The following ATRX variants were observed in gnomAD, a reference collection of about 807,000 sequenced individuals.
ATRX encodes ATRX chromatin remodeler.
In ATRX, 12 loss-of-function variants were observed where a neutral mutation model predicts 172.6. That is an observed-to-expected ratio of 0.07 (90% CI 0.04 to 0.11). The LOEUF is 0.11. Among genes scored for constraint, ATRX ranks in the 10% least tolerant of loss-of-function variants. The probability of loss-of-function intolerance (pLI) is 1.00; values close to 1 mark genes in which losing one functional copy is unlikely to be tolerated. For synonymous variants in ATRX, 674 were observed against 594.7 expected (o/e 1.13, Z -1.94); for missense variants, 1,368 against 1,767.4 (o/e 0.77, Z 4.05).
chrX:77,774,648 G>C (rs1302828613), intron 1 of ATRX, among the ~76,000 whole-genome samples: 1 of 110,543 alleles, frequency 9.0e-6, no homozygotes, highest in African/African-American at 3.3e-5. Flanking sequence ...CCGCACTCCA[G>C]CCTGGGCGAC....
At chrX:77,776,452 G>GT (rs2076354150) in intron 1 of ATRX, among the ~76,000 whole-genome samples, 1 of 111,950 alleles carries the variant, frequency 8.9e-6, no homozygotes, top group African/African-American at 3.2e-5. Flanking sequence ...CCTCAATAAT[G>GT]TAACATATGG....
At chrX:77,707,139 C>T (rs1264795130) in intron 2 of ATRX, among the ~76,000 whole-genome samples, 4 of 111,617 alleles carry the variant, frequency 3.6e-5, no homozygotes, top group Admixed American at 9.6e-5. Context: ...TAGGATTATA[C>T]GTATATGAAG....
intron 19 of ATRX, among the ~76,000 whole-genome samples, chrX:77,626,896 T>C (rs782148273): frequency 8.9e-6 from 1 of 112,081 alleles, no homozygotes; most frequent in South Asian, 3.7e-4. Context: ...GGTAGCCCTA[T>C]GGTTAGTACG....
At chrX:77,744,044 G>GGC (rs2074975119) in intron 1 of ATRX, among the ~76,000 whole-genome samples, 1 of 112,658 alleles carries the variant, frequency 8.9e-6, no homozygotes, top group Non-Finnish European at 1.9e-5. Flanking sequence ...GGCTGGGCAC[G>GGC]GTGGTTCATG....
intron 15 of ATRX, among the ~76,000 whole-genome samples, 162 bp from the exon 16 acceptor site, chrX:77,636,218 T>C (rs1042193716): frequency 2.7e-5 from 3 of 112,179 alleles, no homozygotes; most frequent in African/African-American, 9.7e-5. Context: ...CTCATGTTAA[T>C]TGTAATCCCC....
At chrX:77,595,024 T>C (rs2066424164) in intron 25 of ATRX, 1 of 112,012 alleles carries the variant, frequency 8.9e-6, no homozygotes, top group African/African-American at 3.2e-5. Flanking sequence ...CTGCAACGAA[T>C]GCTCATTGCT....
At chrX:77,689,301 C>T (rs782640465) in intron 6 of ATRX, among the ~76,000 whole-genome samples, 16 of 111,898 alleles carry the variant, frequency 1.4e-4, no homozygotes, top group Middle Eastern at 4.6e-3. Flanking sequence ...GTAACATATA[C>T]GGAACAGATT....
intron 2 of ATRX, among the ~76,000 whole-genome samples, chrX:77,703,564 C>T (rs1557155183): frequency 8.9e-6 from 1 of 112,497 alleles, no homozygotes; most frequent in Non-Finnish European, 1.9e-5. Flanking sequence ...GAGGGAGTCA[C>T]AGCCCTGGCT....
intron 15 of ATRX, among the ~76,000 whole-genome samples, chrX:77,637,712 G>A (rs1268235737): frequency 7.3e-5 from 8 of 109,768 alleles, no homozygotes; most frequent in Non-Finnish European, 1.3e-4. Flanking sequence ...TAGGCTGAGG[G>A]GGATGGATCG....
intron 10 of ATRX, among the ~76,000 whole-genome samples, chrX:77,671,554 C>T (rs985803306): frequency 9.1e-6 from 1 of 109,388 alleles, no homozygotes; most frequent in Admixed American, 9.8e-5. Context: ...GGCATTTTAA[C>T]AAGAAAAAAT....
intron 12 of ATRX, among the ~76,000 whole-genome samples, chrX:77,660,000 C>T (rs892511975): frequency 1.8e-5 from 2 of 111,649 alleles, no homozygotes; most frequent in African/African-American, 6.5e-5. Context: ...AAACAAAAAA[C>T]AACAACAACA....
chrX:77,620,655 G>A lies in ATRX; in HGVS notation c.5135-123C>T, dbSNP rs928980504. ...TCTTACAGGAAGATAAAATGACATCGTTGTAAGTATAAACATATTTTATCT... is the reference window on the plus strand; with the variant it reads ...TCTTACAGGAAGATAAAATGACATCATTGTAAGTATAAACATATTTTATCT... On this transcript the variant is annotated intron_variant, in intron 19 of 34. Transcript: ENST00000373344. 4.5e-5 allele frequency: 30 copies of A among 666,651 alleles called. 1 individual carries two copies. In the Middle Eastern group the frequency reaches 7.5e-3, roughly 166 times the overall value. The allele number at this position is 666,651 out of a possible 1,213,427, so 54.9% of individuals were successfully genotyped here. A position where few individuals can be genotyped will look rare whatever the true frequency, so the allele number is the denominator to read the frequency against.
At position 77,505,255 on chromosome X, in the gene ATRX, A is replaced by G; in HGVS notation, c.*3096T>C. ...GCTCTTAAAGTTTTGTTTGGGGCAC[A>G]TAAATATCGATCTGATTTTATGATA... On this transcript the variant is annotated 3_prime_UTR_variant, in exon 35 of 35. Coordinates refer to ENST00000373344, the MANE Select transcript of ATRX (RefSeq NM_000489.6). 5.7e-6 allele frequency: 1 copy of G among 174,692 alleles called. No individual in the cohort carries two copies. Among genetic ancestry groups the G allele is most frequent in the East Asian group, 8.1e-5 (1 of 12,321 alleles). 14.4% of individuals were successfully genotyped at this position (174,692 alleles called of 1,213,427 possible). A position where few individuals can be genotyped will look rare whatever the true frequency, so the allele number is the denominator to read the frequency against.
In ATRX at chrX:77,656,597, C is replaced by T. The variant is rs147331649; in HGVS notation, c.4177G>A (p.Val1393Ile). Residue 1393 changes from valine (V) to isoleucine (I), a missense_variant, in exon 13 of 35, where the codon GTT becomes ATT. Coordinates refer to ENST00000373344, the MANE Select transcript of ATRX (RefSeq NM_000489.6). Reference protein sequence around the residue: ...DFQESGVSEEVSESEDEQRPR... With the variant: ...DFQESGVSEEISESEDEQRPR... Reference sequence around the variant, plus strand: ...CGCTGTTCATCTTCGGATTCACTAACTTCTTCACTAACTCCTGATTCCTGA... The same window carrying T: ...CGCTGTTCATCTTCGGATTCACTAATTTCTTCACTAACTCCTGATTCCTGA... 5.8e-6 allele frequency: 7 copies of T among 1,206,743 alleles called. No individual in the cohort carries two copies. The highest frequency in any genetic ancestry group is 7.8e-6 in the Non-Finnish European group (7 of 893,643).
At chrX:77,681,452 A>T (rs1315219281) in intron 9 of ATRX, 68 bp downstream of exon 9, 5 of 1,050,711 alleles carry the variant, frequency 4.8e-6, no homozygotes, top group Non-Finnish European at 2.7e-6. Flanking sequence ...CTTCAGAGGA[A>T]ATTAAACAAT....
rs376437053 is a variant in ATRX at position 77,533,980 on chromosome X, C to T, written c.6700-10579G>A. Among the ~76,000 whole-genome samples, 18 of 111,515 alleles carry T rather than the reference C, an allele frequency of 1.6e-4. No homozygotes were observed. The East Asian group carries it at 3.4e-3, about 21-fold the overall frequency. On this transcript the variant is annotated intron_variant, in intron 30 of 34. Transcript: ENST00000373344. ...TTTATTAAAACATTAAGACTGCTTC[C>T]AGTTTTTATTACCAAATCTGCGAAC...
intron 34 of ATRX, among the ~76,000 whole-genome samples, chrX:77,515,506 A>G (rs2063022009): frequency 9.0e-6 from 1 of 111,215 alleles, no homozygotes; most frequent in Non-Finnish European, 1.9e-5. Flanking sequence ...AGCTCTAGAT[A>G]CATGTGCCCT....
rs782406110 is a variant in ATRX, at chrX:77,616,987, C to T, written c.5449-257G>A. 1.9e-4 allele frequency among the ~76,000 whole-genome samples: 21 copies of T among 111,399 alleles called. No individual in the cohort carries two copies. The East Asian group carries it at 5.9e-3, about 32-fold the overall frequency. On this transcript the variant is annotated intron_variant, in intron 21 of 34. Coordinates refer to ENST00000373344, the MANE Select transcript of ATRX (RefSeq NM_000489.6). ...GGTAGGTTTTAAATTGAAGCAATCA[C>T]ATTACCAAGTGAGCAATTTAAGTTT...
In ATRX at chrX:77,505,100, C is replaced by A. The variant is rs2062684667; in HGVS notation, c.*3251G>T. ...GTCTGGTGAAATAAAGTAGTAAATA[C>A]CCTGAACATAATTTTTAGTATAATA... On this transcript the variant is annotated 3_prime_UTR_variant, in exon 35 of 35. Transcript: ENST00000373344. 1 of 166,539 alleles carries A rather than the reference C, an allele frequency of 6.0e-6. No homozygotes were observed. Among genetic ancestry groups the A allele is most frequent in the African/African-American group, 3.0e-5 (1 of 33,067 alleles). The allele number at this position is 166,539 out of a possible 1,213,427, so 13.7% of individuals were successfully genotyped here. A position where few individuals can be genotyped will look rare whatever the true frequency, so the allele number is the denominator to read the frequency against.
Sources: allele counts gnomAD v4.1 joint callset (sites outside exome capture counted in the v4.1 genomes callset), GRCh38; gene constraint gnomAD v4.1.1; transcripts MANE v1.5; gene names NCBI Gene and HGNC (gene_info 2026-07-23, HGNC 2026-07-21).